BRMS1L: variants seen among roughly 807,000 people sequenced by gnomAD.
BRMS1L encodes BRMS1 like transcriptional repressor, also known as breast cancer metastasis-suppressor 1-like protein.
Under a neutral mutation model 50.3 loss-of-function variants are expected in BRMS1L, and 23 were observed. The observed-to-expected ratio is 0.46, with a 90% CI of 0.33 to 0.65. The LOEUF is 0.65. Among genes scored for constraint, BRMS1L ranks in the 30% least tolerant of loss-of-function variants. BRMS1L has a pLI of 0.02. For synonymous variants in BRMS1L, 114 were observed against 126.9 expected (o/e 0.90, Z 0.69); for missense variants, 286 against 386.1 (o/e 0.74, Z 2.17).
chr14:35,868,554 G>A (rs996601343), intron 9 of BRMS1L, among the ~76,000 whole-genome samples: 2 of 152,180 alleles, frequency 1.3e-5, no homozygotes, highest in African/African-American at 4.8e-5. Context: ...GGAAGCTGAG[G>A]CAGGATTGGG....
intron 5 of BRMS1L, among the ~76,000 whole-genome samples, chr14:35,863,076 A>C (rs1446112796): frequency 6.6e-6 from 1 of 151,732 alleles, no homozygotes; most frequent in Non-Finnish European, 1.5e-5. Flanking sequence ...GCGCCACTGC[A>C]CTCCAGACTG....
chr14:35,831,063 C>G (rs1160735347), intron 1 of BRMS1L, among the ~76,000 whole-genome samples: 1 of 151,632 alleles, frequency 6.6e-6, no homozygotes, highest in Non-Finnish European at 1.5e-5. Context: ...GCCTCAGCCT[C>G]CTGGTAGGTG....
intron 4 of BRMS1L, among the ~76,000 whole-genome samples, chr14:35,856,078 A>G (rs2078275841): frequency 6.6e-6 from 1 of 152,212 alleles, no homozygotes; most frequent in South Asian, 2.1e-4. Flanking sequence ...CTGCAAGGCA[A>G]GGGAAGCGGA....
chr14:35,829,296 G>A (rs1357111504), intron 1 of BRMS1L, among the ~76,000 whole-genome samples: 2 of 152,094 alleles, frequency 1.3e-5, no homozygotes, highest in African/African-American at 4.8e-5. Flanking sequence ...AGATGTTCTT[G>A]CATTTATGAT....
chr14:35,847,885 C>A (rs981593496), intron 4 of BRMS1L, among the ~76,000 whole-genome samples: 1 of 152,158 alleles, frequency 6.6e-6, no homozygotes, highest in South Asian at 2.1e-4. Context: ...ATAGGATTTC[C>A]TTCTATTCTA....
chr14:35,830,091 T>C (rs1292073788), intron 1 of BRMS1L, among the ~76,000 whole-genome samples: 2 of 152,182 alleles, frequency 1.3e-5, no homozygotes, highest in Non-Finnish European at 2.9e-5. Context: ...TTTTTTGAGA[T>C]GGAGTTTCGC....
chr14:35,828,031 G>C (rs1181984968), intron 1 of BRMS1L, among the ~76,000 whole-genome samples: 1 of 152,184 alleles, frequency 6.6e-6, no homozygotes, highest in African/African-American at 2.4e-5. Flanking sequence ...CACAAAACAG[G>C]ATTGATGAAT....
chr14:35,836,847 C>T (rs538750309), intron 4 of BRMS1L, among the ~76,000 whole-genome samples: 6 of 151,510 alleles, frequency 4.0e-5, no homozygotes, highest in African/African-American at 7.3e-5. Context: ...GCCATTTTCA[C>T]GATATCGATT....
Position 35,831,490 on chromosome 14 carries a change from C to T in BRMS1L, c.223C>T (p.Leu75Phe). The change falls in exon 2 of 10, where the codon CTC (leucine) becomes TTC (phenylalanine). Residue 75 changes from leucine to phenylalanine, a missense_variant. By Grantham distance (22) the Leu-to-Phe change is conservative. Around this residue, in one of 5 missense-constraint regions of BRMS1L, gnomAD observed 160 missense variants for 240.6 expected, o/e 0.66. Coordinates refer to ENST00000216807, the MANE Select transcript of BRMS1L (RefSeq NM_032352.4). Reference protein sequence around the residue: ...MSNLEKQFTDLKDQLYKERLS... With the variant: ...MSNLEKQFTDFKDQLYKERLS... Reference sequence around the variant, plus strand: ...CAATCTTGAAAAACAGTTTACCGATCTCAAAGATCAGTAAGTAGTGACTTT... The same window carrying T: ...CAATCTTGAAAAACAGTTTACCGATTTCAAAGATCAGTAAGTAGTGACTTT... 6.2e-7 allele frequency: 1 copy of T among 1,612,812 alleles called. No homozygotes were observed. The highest frequency in any genetic ancestry group is 8.5e-7 in the Non-Finnish European group (1 of 1,178,928).
chr14:35,830,759 G>A (rs752116054), intron 1 of BRMS1L, among the ~76,000 whole-genome samples: 6 of 152,170 alleles, frequency 3.9e-5, no homozygotes, highest in Non-Finnish European at 5.9e-5. Flanking sequence ...AAAGGACACA[G>A]TCATTTTGGT....
At chr14:35,844,046 T>G (rs1355747887) in intron 4 of BRMS1L, among the ~76,000 whole-genome samples, 3 of 152,130 alleles carry the variant, frequency 2.0e-5, no homozygotes, top group Non-Finnish European at 2.9e-5. Flanking sequence ...CTCACCAAGC[T>G]CAAGTGTCCC....
chr14:35,858,518 A>G (rs2078310343), intron 4 of BRMS1L: 1 of 152,160 alleles, frequency 6.6e-6, no homozygotes, highest in Non-Finnish European at 1.5e-5. Context: ...ATTGCTTTAT[A>G]ATTAATTACT....
Position 35,863,853 on chromosome 14 carries a change from C to T in BRMS1L, c.539-17C>T, listed in dbSNP as rs376517042. 7 of 1,608,378 alleles carry T rather than the reference C, an allele frequency of 4.4e-6. No homozygotes were observed. The African/African-American group carries it at 8.0e-5, about 18-fold the overall frequency. On this transcript the variant is annotated splice_polypyrimidine_tract_variant and intron_variant, in intron 5 of 9. Transcript: ENST00000216807. ...CACCAGAAACCCACTAATACTTAAT[C>T]TTTATTTACCTGCCAGAGCTGTGGA... is the stretch of plus-strand genomic sequence containing the variant.
intron 8 of BRMS1L, among the ~76,000 whole-genome samples, chr14:35,866,339 A>G (rs979216424): frequency 6.6e-6 from 1 of 152,246 alleles, no homozygotes; most frequent in East Asian, 1.9e-4. Flanking sequence ...AAAGAAAAAC[A>G]TATTTGAAAT....
In BRMS1L at chr14:35,826,355, G is replaced by C. The variant is rs2077841198; in HGVS notation, c.-162G>C. 5.7e-6 allele frequency: 6 copies of C among 1,054,688 alleles called. No homozygotes were observed. The East Asian group carries it at 1.6e-4, about 28-fold the overall frequency. The allele number at this position is 1,054,688 out of a possible 1,614,324, so 65.3% of individuals were successfully genotyped here. A position where few individuals can be genotyped will look rare whatever the true frequency, so the allele number is the denominator to read the frequency against. The stretch of plus-strand genomic sequence containing the variant: ...CCAATGGCAGAGCTCCCATCGCAGA[G>C]CCTGCGGGTTAGGTTGTGAGGCCCG... On this transcript the variant is annotated 5_prime_UTR_variant, in exon 1 of 10. Coordinates refer to ENST00000216807, the MANE Select transcript of BRMS1L (RefSeq NM_032352.4).
chr14:35,862,558 T>C, intron 4 of BRMS1L, 32 bp from the exon 5 acceptor site: 1 of 1,477,722 alleles, frequency 6.8e-7, no homozygotes, highest in Non-Finnish European at 9.1e-7. Flanking sequence ...TTTTTTTCTT[T>C]CTACTTAAGT....
At chr14:35,836,263 T>C (rs762257560) in intron 4 of BRMS1L, among the ~76,000 whole-genome samples, 1 of 152,250 alleles carries the variant, frequency 6.6e-6, no homozygotes, top group Non-Finnish European at 1.5e-5. Context: ...GTTTTCACTC[T>C]TTCTGATGAC....
rs113875338 is a variant in BRMS1L at position 35,827,064 on chromosome 14, G to A, written c.142+406G>A. Among the ~76,000 whole-genome samples, 60 of 152,334 alleles carry A rather than the reference G, an allele frequency of 3.9e-4. 2 individuals are homozygous for A. Among genetic ancestry groups the A allele is most frequent in the African/African-American group, 1.3e-3 (52 of 41,572 alleles). ...AGTGAGTTGCCGGGACAGAGGGTCGGCTTAGTAATTAACCTCAGTTTGCAA... is the reference window on the plus strand; with the variant it reads ...AGTGAGTTGCCGGGACAGAGGGTCGACTTAGTAATTAACCTCAGTTTGCAA... On this transcript the variant is annotated intron_variant, in intron 1 of 9. Transcript: ENST00000216807.
At chr14:35,840,170 G>A (rs140477261) in intron 4 of BRMS1L, among the ~76,000 whole-genome samples, 701 of 152,216 alleles carry the variant, frequency 4.6e-3, no homozygotes, top group African/African-American at 0.015. Context: ...GATGGATTAC[G>A]TTTATTGATT....
Sources: allele counts gnomAD v4.1 joint callset (sites outside exome capture counted in the v4.1 genomes callset), GRCh38; gene constraint gnomAD v4.1.1; regional missense constraint gnomAD v4.1.1; transcripts MANE v1.5; gene names NCBI Gene and HGNC (gene_info 2026-07-23, HGNC 2026-07-21).